BABAM2: variants seen among roughly 807,000 people sequenced by gnomAD.
The protein encoded by BABAM2 is BRISC and BRCA1 A complex member 2.
In BABAM2, 31 loss-of-function variants were observed where a neutral mutation model predicts 54.7. The observed-to-expected ratio is 0.57, with a 90% CI of 0.43 to 0.77. The LOEUF is 0.77. Ranked by LOEUF, BABAM2 falls within the 30% of genes least tolerant of loss-of-function variation. The pLI is 0.00. For missense variants in BABAM2, 364 were observed against 455.8 expected, an observed-to-expected ratio of 0.80 and a Z score of 1.83; for synonymous variants, 167 against 162.9, an observed-to-expected ratio of 1.03 and a Z score of -0.19.
At chr2:28,015,811 T>C (rs747197105) in intron 4 of BABAM2, 2 of 995,796 alleles carry the variant, frequency 2.0e-6, no homozygotes, top group Non-Finnish European at 2.8e-6. Flanking sequence ...TTCTCATGCT[T>C]CTTTTTCTGT....
At position 27,890,834 on chromosome 2, in the gene BABAM2, A is replaced by G. The variant is rs1321791354; in HGVS notation, c.-33A>G. On this transcript the variant is annotated 5_prime_UTR_variant, in exon 1 of 12. Coordinates refer to ENST00000379624, the MANE Select transcript of BABAM2 (RefSeq NM_199191.3). The surrounding 1 kb of genome is among the most constrained non-coding windows in gnomAD (Gnocchi z 4.8). ...GTAGTCGCCGGTTACCGATCGGACT[A>G]AGTTCCAGGTACCTGGACTGGGGCT... 1.3e-5 allele frequency: 2 copies of G among 152,382 alleles called. No homozygotes were observed. Among genetic ancestry groups the G allele is most frequent in the East Asian group, 1.9e-4 (1 of 5,130 alleles). The allele number at this position is 152,382 out of a possible 1,614,324, so 9.4% of individuals were successfully genotyped here. A position where few individuals can be genotyped will look rare whatever the true frequency, so the allele number is the denominator to read the frequency against.
chr2:27,959,054 A>G (rs1295200191), intron 3 of BABAM2, among the ~76,000 whole-genome samples: 1 of 152,250 alleles, frequency 6.6e-6, no homozygotes, highest in Admixed American at 6.5e-5. Context: ...ACAAATCTCC[A>G]GTTCTAACTA....
chr2:28,204,976 TA>T lies in BABAM2; in HGVS notation c.681-32214del, dbSNP rs879466179. The stretch of plus-strand genomic sequence containing the variant: ...AAAAAAGTTTTTTTTTAACTTTGGT[TA>T]AAAAAAAAAAACAACCTTCTTATTA... On this transcript the variant is annotated intron_variant, in intron 7 of 11. Transcript: ENST00000379624. Among the ~76,000 whole-genome samples the T allele has an allele frequency of 5.3e-3, 759 of 142,332 alleles. 2 individuals are homozygous for T. Among genetic ancestry groups the T allele is most frequent in the African/African-American group, 0.014 (537 of 38,994 alleles). 93.4% of individuals were successfully genotyped at this position (142,332 alleles called of 152,430 possible).
chr2:28,265,957 AAAAT>A (rs1262464082), intron 10 of BABAM2, among the ~76,000 whole-genome samples: 1 of 152,042 alleles, frequency 6.6e-6, no homozygotes, highest in Non-Finnish European at 1.5e-5. Flanking sequence ...TTATGTAAAT[AAAAT>A]AAATATAAGT....
chr2:28,026,897 A>ATATATATATAG (rs1558667588), intron 5 of BABAM2, among the ~76,000 whole-genome samples: 1 of 20,578 alleles, frequency 4.9e-5, no homozygotes, highest in African/African-American at 1.3e-4. Context: ...GATATATATA[A>ATATATATATAG]ATATATATAA....
intron 2 of BABAM2, among the ~76,000 whole-genome samples, chr2:27,922,254 C>T (rs987348487): frequency 1.3e-5 from 2 of 152,162 alleles, no homozygotes; most frequent in Non-Finnish European, 2.9e-5. Flanking sequence ...GTGCTAGGTG[C>T]TATACTAGGA....
chr2:28,092,921 T>TG (rs1376098018), intron 6 of BABAM2, among the ~76,000 whole-genome samples: 3 of 152,186 alleles, frequency 2.0e-5, no homozygotes, highest in Non-Finnish European at 4.4e-5. Flanking sequence ...CACATAGCAC[T>TG]GAGTGTGCTG....
Position 28,322,962 on chromosome 2 carries a change from C to G in BABAM2, c.1089-15488C>G, listed in dbSNP as rs1690147775. Among the ~76,000 whole-genome samples the G allele has an allele frequency of 6.6e-6, 1 of 152,208 alleles. No individual in the cohort carries two copies. The highest frequency in any genetic ancestry group is 1.5e-5 in the Non-Finnish European group (1 of 68,042). The stretch of plus-strand genomic sequence containing the variant: ...ACATACCTCTGAGCAGAAAAGAAAG[C>G]CAGCCCAAGGCAGGAATTTTGCTCC... On this transcript the variant is annotated intron_variant, in intron 11 of 11. Coordinates refer to ENST00000379624, the MANE Select transcript of BABAM2 (RefSeq NM_199191.3). The surrounding 1 kb of genome is among the most constrained non-coding windows in gnomAD (Gnocchi z 4.1).
intron 2 of BABAM2, among the ~76,000 whole-genome samples, chr2:27,928,938 G>C (rs1573190486): frequency 6.6e-6 from 1 of 151,408 alleles, no homozygotes; most frequent in Non-Finnish European, 1.5e-5. Flanking sequence ...ACCAGGCCAG[G>C]TGCAGTGGCT....
At chr2:28,083,296 A>C (rs2148676657) in intron 6 of BABAM2, among the ~76,000 whole-genome samples, 1 of 152,238 alleles carries the variant, frequency 6.6e-6, no homozygotes, top group South Asian at 2.1e-4. Flanking sequence ...GCCTTGTCTC[A>C]AAGACCTACT....
intron 2 of BABAM2, among the ~76,000 whole-genome samples, chr2:27,910,233 A>G (rs1294471768): frequency 1.3e-5 from 2 of 152,212 alleles, no homozygotes; most frequent in African/African-American, 2.4e-5. Context: ...TGGCACAATA[A>G]GTATAAAACT....
chr2:28,098,213 C>CT (rs1346926175), intron 6 of BABAM2, among the ~76,000 whole-genome samples: 1 of 152,138 alleles, frequency 6.6e-6, no homozygotes, highest in Non-Finnish European at 1.5e-5. Flanking sequence ...ATCTGTCTGT[C>CT]TTTAATTCTG....
intron 7 of BABAM2, among the ~76,000 whole-genome samples, chr2:28,164,221 A>G (rs10180947): frequency 0.99 from 150,976 of 152,272 alleles, 74,860 homozygotes; most frequent in Middle Eastern, 1. Context: ...GGTGGAGTAG[A>G]GCAGTTCCAC....
intron 7 of BABAM2, among the ~76,000 whole-genome samples, chr2:28,231,834 G>T (rs2148042671): frequency 9.1e-6 from 1 of 109,350 alleles, no homozygotes. Context: ...AAGAGACAGA[G>T]TCCCAATCAG....
chr2:28,012,268 A>C (rs190633109), intron 4 of BABAM2, among the ~76,000 whole-genome samples: 1 of 152,314 alleles, frequency 6.6e-6, no homozygotes, highest in East Asian at 1.9e-4. Flanking sequence ...GTTAGAAATC[A>C]TATTTGCTAA....
rs546800767 is a variant in BABAM2, at chr2:27,967,958, A to G, written c.206-20035A>G. The stretch of plus-strand genomic sequence containing the variant: ...GCTGTTGAAAGCATTCAGTTTTATA[A>G]GGGAAGCAGAGCATAAAAGTTTGGA... On this transcript the variant is annotated intron_variant, in intron 3 of 11. Coordinates refer to ENST00000379624, the MANE Select transcript of BABAM2 (RefSeq NM_199191.3). Among the ~76,000 whole-genome samples the G allele has an allele frequency of 5.9e-5, 9 of 152,362 alleles. No individual in the cohort carries two copies. In the East Asian group the frequency reaches 1.7e-3, roughly 29 times the overall value.
intron 3 of BABAM2, among the ~76,000 whole-genome samples, chr2:27,974,309 A>C (rs1179071487): frequency 6.6e-6 from 1 of 152,202 alleles, no homozygotes; most frequent in Non-Finnish European, 1.5e-5. Flanking sequence ...TTCGAAAAAA[A>C]TTAGCAAATT....
chr2:27,919,121 A>G (rs916071824), intron 2 of BABAM2, among the ~76,000 whole-genome samples: 2 of 152,102 alleles, frequency 1.3e-5, no homozygotes, highest in South Asian at 2.1e-4. Context: ...TATATATTTG[A>G]TCATTTGATA....
intron 3 of BABAM2, among the ~76,000 whole-genome samples, chr2:27,949,477 T>C (rs551772164): frequency 4.0e-5 from 6 of 150,018 alleles, no homozygotes; most frequent in African/African-American, 1.5e-4. Flanking sequence ...GAGATTGCAG[T>C]GAGCCGAGAT....
Sources: gnomAD v4.1 joint callset for allele counts (sites outside exome capture counted in the v4.1 genomes callset) on GRCh38, gnomAD v4.1.1 for gene constraint, Gnocchi (gnomAD v3.1) non-coding constraint, MANE v1.5 for transcripts, NCBI Gene and HGNC (gene_info 2026-07-23, HGNC 2026-07-21) for gene names.